The following NLRP9 variants were observed in gnomAD, a reference collection of about 807,000 sequenced individuals.
The protein encoded by NLRP9 is NLR family pyrin domain containing 9.
Under a neutral mutation model 83.1 loss-of-function variants are expected in NLRP9, and 88 were observed. That is an observed-to-expected ratio of 1.06 (90% CI 0.89 to 1.26). The LOEUF (loss-of-function observed/expected upper bound fraction) is 1.26. Among genes scored for constraint, NLRP9 ranks in the 50% most tolerant of loss-of-function variants. NLRP9 has a pLI of 0.00. For missense variants in NLRP9, 1,308 were observed against 1,179.3 expected (o/e 1.11, Z -1.60); for synonymous variants, 521 against 447.6 (o/e 1.16, Z -2.07).
intron 8 of NLRP9, among the ~76,000 whole-genome samples, chr19:55,710,434 A>G (rs1412806126): frequency 6.6e-6 from 1 of 151,678 alleles, no homozygotes. Context: ...GACATTCGTG[A>G]TATGGTTTGA....
chr19:55,709,138 T>C (rs73062405), intron 8 of NLRP9, 94 bp from the exon 9 acceptor site: 109,382 of 809,446 alleles, frequency 0.14, 8,192 homozygotes, highest in African/African-American at 0.19. Context: ...CTCTCCTCTT[T>C]ATTCTTTCCT....
Position 55,711,889 on chromosome 19 carries a change from C to G in NLRP9, c.2754G>C (p.Leu918=). The change falls in exon 8 of 9, where the codon CTG becomes CTC. Residue 918 remains leucine, a synonymous_variant. Coordinates refer to ENST00000332836, the MANE Select transcript of NLRP9 (RefSeq NM_176820.4). ...ALIACKTLRS[L]NLDWIALDAD... ...CATCCAAGGCAATCCAGTCGAGGTT[C>G]AGGCTCCTCAGTGTTTTGCAGGCGA... 2 of 1,613,396 alleles carry G rather than the reference C, an allele frequency of 1.2e-6. No individual in the cohort carries two copies. Among genetic ancestry groups the G allele is most frequent in the African/African-American group, 1.3e-5 (1 of 75,058 alleles).
At position 55,711,723 on chromosome 19, in the gene NLRP9, G is replaced by C. The variant is rs562459663; in HGVS notation, c.2843+77C>G. On this transcript the variant is annotated intron_variant, in intron 8 of 8. Coordinates refer to ENST00000332836, the MANE Select transcript of NLRP9 (RefSeq NM_176820.4). ...AACCCTCCAGCCTGGCATCCATCATGTCGCGGTTGAGCAAATGGCCAATGA... is the reference window on the plus strand; with the variant it reads ...AACCCTCCAGCCTGGCATCCATCATCTCGCGGTTGAGCAAATGGCCAATGA... 9.9e-6 allele frequency: 14 copies of C among 1,410,900 alleles called. No homozygotes were observed. The African/African-American group carries it at 1.8e-4, about 18-fold the overall frequency. The allele number at this position is 1,410,900 out of a possible 1,614,324, so 87.4% of individuals were successfully genotyped here.
intron 6 of NLRP9, among the ~76,000 whole-genome samples, chr19:55,713,606 C>CCTCCCCTCTCCCTCTTA (rs1389792041): frequency 1.2e-5 from 1 of 83,350 alleles, no homozygotes; most frequent in Non-Finnish European, 2.5e-5. Flanking sequence ...TCCTCTCCCT[C>CCTCCCCTCTCCCTCTTA]CTCCCCTCTC....
At chr19:55,709,336 T>A (rs1328547945) in intron 8 of NLRP9, 1 of 191,106 alleles carries the variant, frequency 5.2e-6, no homozygotes, top group Admixed American at 6.2e-5. Flanking sequence ...TCATCTGATG[T>A]TCATATGCCC....
chr19:55,728,672 G>A (rs1988472271), intron 3 of NLRP9, among the ~76,000 whole-genome samples: 3 of 152,160 alleles, frequency 2.0e-5, no homozygotes, highest in African/African-American at 4.8e-5. Context: ...CAGTCTTAAC[G>A]TCTGCTATGT....
In NLRP9 at chr19:55,716,790, G is replaced by A. The variant is rs140305977; in HGVS notation, c.2268C>T (p.Asp756=). The A allele has an allele frequency of 1.5e-4, 238 of 1,613,776 alleles. 3 individuals carry two copies. In the South Asian group the frequency reaches 1.9e-3, roughly 13 times the overall value. The change falls in exon 5 of 9, where the codon GAC becomes GAT. Residue 756 remains aspartate (D), a synonymous_variant. Transcript: ENST00000332836. ...CTTCACACAGCAACGTCATTCCTTC[G>A]TCCCTCAAGGGATTTTCTACCAAGG... ...HLSLVENPLR[D]EGMTLLCEAL... is the part of the protein sequence containing the mutation.
intron 2 of NLRP9, among the ~76,000 whole-genome samples, chr19:55,730,772 G>A (rs894043892): frequency 2.0e-5 from 3 of 152,128 alleles, no homozygotes; most frequent in Non-Finnish European, 4.4e-5. Context: ...TGGGGCTTGG[G>A]AGGAGGGAGA....
At chr19:55,734,130 A>G (rs1344135021) in intron 1 of NLRP9, among the ~76,000 whole-genome samples, 3 of 151,578 alleles carry the variant, frequency 2.0e-5, no homozygotes, top group Non-Finnish European at 4.4e-5. Context: ...TCACCGTGTT[A>G]GCCAGGATGG....
At chr19:55,709,135 CTTT>C in intron 8 of NLRP9, 91 bp from the exon 9 acceptor site, 1 of 848,814 alleles carries the variant, frequency 1.2e-6, no homozygotes, top group South Asian at 2.2e-5. Flanking sequence ...CTCCTCTCCT[CTTT>C]ATTCTTTCCT....
At chr19:55,733,667 T>G in intron 1 of NLRP9, 117 bp from the exon 2 acceptor site, 1 of 670,328 alleles carries the variant, frequency 1.5e-6, no homozygotes, top group Non-Finnish European at 2.5e-6. Context: ...GAAGCCAGGG[T>G]GCTTTTAAAA....
intron 4 of NLRP9, among the ~76,000 whole-genome samples, chr19:55,718,877 C>T (rs1350115940): frequency 6.6e-6 from 1 of 152,220 alleles, no homozygotes; most frequent in Non-Finnish European, 1.5e-5. Flanking sequence ...GAGGGGCTGG[C>T]CCCCTTCACA....
chr19:55,710,242 G>GC (rs1449498220), intron 8 of NLRP9, among the ~76,000 whole-genome samples: 4 of 152,070 alleles, frequency 2.6e-5, no homozygotes, highest in African/African-American at 9.7e-5. Context: ...TATAATGCAG[G>GC]CCTTAAGTAC....
intron 3 of NLRP9, among the ~76,000 whole-genome samples, chr19:55,729,004 T>C (rs545015183): frequency 1.3e-5 from 2 of 151,294 alleles, no homozygotes; most frequent in Admixed American, 1.3e-4. Context: ...ACATCAGCAC[T>C]CTGTTTTATG....
At chr19:55,722,863 C>T (rs542830331) in intron 4 of NLRP9, among the ~76,000 whole-genome samples, 8 of 152,116 alleles carry the variant, frequency 5.3e-5, no homozygotes, top group South Asian at 4.2e-4. Flanking sequence ...TGGATGAAAC[C>T]GGAAACCATC....
intron 5 of NLRP9, among the ~76,000 whole-genome samples, chr19:55,716,413 C>G (rs1988014883): frequency 6.6e-6 from 1 of 152,016 alleles, no homozygotes; most frequent in Admixed American, 6.6e-5. Flanking sequence ...CATGCGCCAC[C>G]ACACCCAGCT....
At chr19:55,712,845 A>G (rs1169051483) in intron 6 of NLRP9, among the ~76,000 whole-genome samples, 1 of 2,278 alleles carries the variant, frequency 4.4e-4, no homozygotes, top group Non-Finnish European at 7.9e-4. Context: ...AGAGGGGAGG[A>G]AGAGGAGTGG....
At chr19:55,728,752 G>T (rs969969279) in intron 3 of NLRP9, among the ~76,000 whole-genome samples, 4 of 152,152 alleles carry the variant, frequency 2.6e-5, no homozygotes, top group Non-Finnish European at 5.9e-5. Flanking sequence ...AGATGTATAA[G>T]GTGCTTTGGG....
intron 3 of NLRP9, among the ~76,000 whole-genome samples, chr19:55,728,711 C>A (rs1254844169): frequency 1.3e-5 from 2 of 152,110 alleles, no homozygotes; most frequent in African/African-American, 4.8e-5. Flanking sequence ...ATATGTGGGC[C>A]AATAATTCAA....
Sources: gnomAD v4.1 joint callset for allele counts (sites outside exome capture counted in the v4.1 genomes callset) on GRCh38, gnomAD v4.1.1 for gene constraint, MANE v1.5 for transcripts, NCBI Gene and HGNC (gene_info 2026-07-23, HGNC 2026-07-21) for gene names.